FAT3: variants seen among roughly 807,000 people sequenced by gnomAD.
FAT3 encodes FAT atypical cadherin 3.
In FAT3, 95 loss-of-function variants were observed where a neutral mutation model predicts 310.2. The observed-to-expected ratio is 0.31, with a 90% CI of 0.26 to 0.36. The LOEUF (loss-of-function observed/expected upper bound fraction) is 0.36. Among genes scored for constraint, FAT3 ranks in the 10% least tolerant of loss-of-function variants. FAT3 has a pLI of 1.00. For synonymous variants in FAT3, 2,314 were observed against 2,192.9 expected (o/e 1.06, Z -1.54); for missense variants, 5,408 against 5,715.6 (o/e 0.95, Z 1.74).
intron 4 of FAT3, among the ~76,000 whole-genome samples, chr11:92,743,956 C>A (rs1945580015): frequency 6.6e-6 from 1 of 152,152 alleles, no homozygotes; most frequent in African/African-American, 2.4e-5. Flanking sequence ...CCAGATGCAT[C>A]CCTCAACCTT....
chr11:92,869,832 T>C lies in FAT3; in HGVS notation c.12127+2623T>C, dbSNP rs143369794. ...GAAAGAATATTTATGCCTTCAAGAA[T>C]TCCCTCTGGCTGCCAGGGAAGTCTA... On this transcript the variant is annotated intron_variant, in intron 22 of 27. Coordinates refer to ENST00000525166, the MANE Select transcript of FAT3 (RefSeq NM_001367949.2). 2.9e-3 allele frequency among the ~76,000 whole-genome samples: 445 copies of C among 152,252 alleles called. 2 individuals carry two copies. Among genetic ancestry groups the C allele is most frequent in the Non-Finnish European group, 4.5e-3 (306 of 68,024 alleles).
chr11:92,257,692 T>C (rs1458233478), intron 1 of FAT3, among the ~76,000 whole-genome samples: 2 of 152,136 alleles, frequency 1.3e-5, no homozygotes, highest in Admixed American at 6.6e-5. Context: ...TGATGCATGA[T>C]TGGAAACTCA....
At chr11:92,728,509 T>C (rs1248510789) in intron 4 of FAT3, among the ~76,000 whole-genome samples, 3 of 152,102 alleles carry the variant, frequency 2.0e-5, no homozygotes, top group Non-Finnish European at 4.4e-5. Flanking sequence ...CAGGTTTTGG[T>C]GGGGTTTTTT....
intron 1 of FAT3, among the ~76,000 whole-genome samples, chr11:92,319,803 A>G (rs1348039593): frequency 2.0e-5 from 3 of 152,188 alleles, no homozygotes; most frequent in African/African-American, 7.2e-5. Flanking sequence ...CTAATCAAGT[A>G]TATATAAAAA....
At chr11:92,228,848 T>A (rs1232786777) in intron 1 of FAT3, among the ~76,000 whole-genome samples, 1 of 152,182 alleles carries the variant, frequency 6.6e-6, no homozygotes, top group East Asian at 1.9e-4. Flanking sequence ...GATATTTGAT[T>A]TTTTTTTCCA....
chr11:92,418,956 A>T (rs1950480113), intron 2 of FAT3, among the ~76,000 whole-genome samples: 1 of 152,152 alleles, frequency 6.6e-6, no homozygotes, highest in South Asian at 2.1e-4. Flanking sequence ...TTTTTATAGT[A>T]TCTGGACCTC....
chr11:92,770,231 G>C (rs1312570714), intron 6 of FAT3, among the ~76,000 whole-genome samples: 1 of 152,090 alleles, frequency 6.6e-6, no homozygotes, highest in Non-Finnish European at 1.5e-5. Context: ...GAGCACATCT[G>C]TAGAAACTTC....
chr11:92,225,375 G>A (rs1343072626), intron 1 of FAT3, among the ~76,000 whole-genome samples: 1 of 152,140 alleles, frequency 6.6e-6, no homozygotes, highest in East Asian at 1.9e-4. Flanking sequence ...CGTTGCTACC[G>A]CTGCAAACAG....
At chr11:92,431,218 T>C (rs796194429) in intron 2 of FAT3, among the ~76,000 whole-genome samples, 1 of 152,258 alleles carries the variant, frequency 6.6e-6, no homozygotes, top group Admixed American at 6.5e-5. Context: ...TGGTGTGAGA[T>C]GATATCTCAT....
intron 2 of FAT3, among the ~76,000 whole-genome samples, chr11:92,442,111 A>ATATTTTTTTTTTTTTT (rs1453396603): frequency 1.1e-4 from 5 of 45,218 alleles, no homozygotes; most frequent in South Asian, 1.4e-3. Context: ...ATATATATAT[A>ATATTTTTTTTTTTTTT]TTTTTTTTTT....
At chr11:92,789,177 A>C (rs1437648263) in intron 7 of FAT3, among the ~76,000 whole-genome samples, 2 of 152,138 alleles carry the variant, frequency 1.3e-5, no homozygotes, top group Non-Finnish European at 2.9e-5. Context: ...TCTTTTAAAG[A>C]TGCATACCGA....
intron 1 of FAT3, among the ~76,000 whole-genome samples, chr11:92,291,319 C>T (rs936459877): frequency 6.6e-6 from 1 of 152,134 alleles, no homozygotes; most frequent in African/African-American, 2.4e-5. Context: ...TTCTCTCCTT[C>T]TTCCTTCGGT....
At chr11:92,469,908 A>G (rs1279308851) in intron 2 of FAT3, among the ~76,000 whole-genome samples, 1 of 152,230 alleles carries the variant, frequency 6.6e-6, no homozygotes, top group African/African-American at 2.4e-5. Context: ...ACTTTTAATC[A>G]AGACTTTAGA....
chr11:92,308,740 A>G (rs1051462753), intron 1 of FAT3, among the ~76,000 whole-genome samples: 1 of 152,082 alleles, frequency 6.6e-6, no homozygotes, highest in Non-Finnish European at 1.5e-5. Flanking sequence ...ATTAGACCTA[A>G]TGTTCTTAAA....
At chr11:92,554,432 A>G (rs1954935313) in intron 3 of FAT3, among the ~76,000 whole-genome samples, 1 of 127,130 alleles carries the variant, frequency 7.9e-6, no homozygotes, top group Non-Finnish European at 1.6e-5. Context: ...ACTGCACTCC[A>G]ACCTGGGCGA....
chr11:92,408,524 T>G (rs1307485833), intron 2 of FAT3, among the ~76,000 whole-genome samples: 2 of 152,124 alleles, frequency 1.3e-5, no homozygotes, highest in East Asian at 3.9e-4. Context: ...TGACACTGAA[T>G]TAAATAAGTG....
chr11:92,789,829 C>G (rs1351118224), intron 7 of FAT3, 114 bp from the exon 8 acceptor site: 5 of 1,055,128 alleles, frequency 4.7e-6, no homozygotes, highest in African/African-American at 1.6e-5. Flanking sequence ...GCAAGAGCTA[C>G]TAGAAGCTAG....
chr11:92,484,391 G>T (rs562364680), intron 2 of FAT3, among the ~76,000 whole-genome samples: 37 of 152,174 alleles, frequency 2.4e-4, no homozygotes, highest in South Asian at 8.3e-4. Flanking sequence ...ATAAGTAAAA[G>T]AAAAACCTCT....
At position 92,844,161 on chromosome 11, in the gene FAT3, G is replaced by C. The variant is rs766816815; in HGVS notation, c.10794G>C (p.Val3598=). The part of the protein sequence containing the change: ...LKSEQKSLFK[V]NSHDGKIIAL... The stretch of plus-strand genomic sequence containing the variant: ...CGGAGCAGAAAAGCTTATTTAAAGT[G>C]AACAGTCACGATGGGAAAATCATCG... Residue 3598 remains valine (V), a synonymous_variant, in exon 19 of 28, where the codon GTG becomes GTC. Transcript: ENST00000525166. 1 of 1,614,002 alleles carries C rather than the reference G, an allele frequency of 6.2e-7. No individual in the cohort carries two copies. The highest frequency in any genetic ancestry group is 1.1e-5 in the South Asian group (1 of 91,074).
Sources: allele counts gnomAD v4.1 joint callset (sites outside exome capture counted in the v4.1 genomes callset), GRCh38; gene constraint gnomAD v4.1.1; transcripts MANE v1.5; gene names NCBI Gene and HGNC (gene_info 2026-07-23, HGNC 2026-07-21).